Variants in KYNU observed in about 807,000 individuals in gnomAD.
KYNU encodes the protein L-kynurenine hydrolase.
Under a neutral mutation model 59.2 loss-of-function variants are expected in KYNU, and 54 were observed. The ratio of observed to expected loss-of-function variants is 0.91; its 90% CI spans 0.73 to 1.14. KYNU has a LOEUF of 1.14. Ranked by LOEUF, KYNU falls within the 50% of genes most tolerant of loss-of-function variation. KYNU has a pLI of 0.00. For synonymous variants in KYNU, 177 were observed against 192.0 expected (o/e 0.92, Z 0.65); for missense variants, 567 against 554.4 (o/e 1.02, Z -0.23).
intron 10 of KYNU, among the ~76,000 whole-genome samples, chr2:142,986,329 A>G (rs898757463): frequency 6.6e-6 from 1 of 151,954 alleles, no homozygotes; most frequent in South Asian, 2.1e-4. Context: ...CAAAAATTAG[A>G]CTTTAGAAAA....
chr2:142,902,413 T>C (rs1166523287), intron 2 of KYNU, among the ~76,000 whole-genome samples: 1 of 152,228 alleles, frequency 6.6e-6, no homozygotes, highest in Non-Finnish European at 1.5e-5. Flanking sequence ...TCCATTTTAC[T>C]AAATGGGTAT....
chr2:142,959,167 T>G (rs1419442489), intron 7 of KYNU, among the ~76,000 whole-genome samples: 4 of 151,914 alleles, frequency 2.6e-5, no homozygotes, highest in Non-Finnish European at 5.9e-5. Context: ...TGGAGCAGAG[T>G]AATTGGCAAA....
intron 4 of KYNU, among the ~76,000 whole-genome samples, chr2:142,931,828 C>G (rs1434460074): frequency 6.6e-6 from 1 of 152,040 alleles, no homozygotes; most frequent in African/African-American, 2.4e-5. Context: ...GTAGAGACAC[C>G]TTGAATAATT....
intron 4 of KYNU, among the ~76,000 whole-genome samples, chr2:142,930,279 TA>T (rs1282586496): frequency 2.0e-5 from 3 of 152,192 alleles, no homozygotes; most frequent in Non-Finnish European, 4.4e-5. Flanking sequence ...TATGAATTTT[TA>T]AAAAAGAAGA....
intron 8 of KYNU, among the ~76,000 whole-genome samples, chr2:142,965,097 C>T (rs1037127889): frequency 3.3e-5 from 5 of 152,214 alleles, no homozygotes; most frequent in Non-Finnish European, 7.3e-5. Context: ...AATTCAGCTA[C>T]CACTGTCAAG....
At chr2:142,900,788 G>A (rs1173525430) in intron 2 of KYNU, among the ~76,000 whole-genome samples, 1 of 152,160 alleles carries the variant, frequency 6.6e-6, no homozygotes, top group Non-Finnish European at 1.5e-5. Context: ...CTGTTCAGTT[G>A]AGATTTCCTC....
chr2:143,023,693 GA>G (rs1686471631), intron 10 of KYNU, among the ~76,000 whole-genome samples: 1 of 151,554 alleles, frequency 6.6e-6, no homozygotes, highest in South Asian at 2.1e-4. Flanking sequence ...GAAGGAAGAG[GA>G]AAGCTGCTAA....
chr2:142,891,041 C>T (rs1204206313), intron 2 of KYNU, among the ~76,000 whole-genome samples: 3 of 151,944 alleles, frequency 2.0e-5, no homozygotes, highest in African/African-American at 7.3e-5. Context: ...GTGAAAATGT[C>T]CAGTTAATAT....
intron 4 of KYNU, among the ~76,000 whole-genome samples, chr2:142,950,977 G>C (rs1683971337): frequency 1.3e-5 from 2 of 152,186 alleles, no homozygotes; most frequent in Admixed American, 1.3e-4. Flanking sequence ...AAGTGGGAGA[G>C]AAATGGGGGA....
intron 10 of KYNU, among the ~76,000 whole-genome samples, chr2:142,992,606 A>G (rs911465144): frequency 6.6e-6 from 1 of 151,794 alleles, no homozygotes; most frequent in African/African-American, 2.4e-5. Context: ...AGGACTTTGG[A>G]TATGTCTGTA....
At chr2:142,964,922 A>G (rs566280060) in intron 8 of KYNU, among the ~76,000 whole-genome samples, 2 of 152,294 alleles carry the variant, frequency 1.3e-5, no homozygotes, top group East Asian at 1.9e-4. Flanking sequence ...CAAGATGAAG[A>G]TGTGCCAACC....
chr2:143,004,983 TTG>T (rs1156563604), intron 10 of KYNU, among the ~76,000 whole-genome samples: 2 of 152,210 alleles, frequency 1.3e-5, no homozygotes, highest in Non-Finnish European at 2.9e-5. Context: ...CTAACATAAA[TTG>T]TGTTTTCTCT....
intron 10 of KYNU, among the ~76,000 whole-genome samples, chr2:143,027,658 T>C (rs1686616360): frequency 6.6e-6 from 1 of 152,210 alleles, no homozygotes; most frequent in African/African-American, 2.4e-5. Flanking sequence ...TTTGTCTGTC[T>C]TTTTAATACA....
rs546777828 is a variant in KYNU at position 142,917,836 on chromosome 2, G to A, written c.170-773G>A. 4.3e-4 allele frequency among the ~76,000 whole-genome samples: 66 copies of A among 152,326 alleles called. 2 individuals carry two copies. In the South Asian group the frequency reaches 0.014, roughly 32 times the overall value. ...CTTTAAAGGTTTAATTAAGTAGTCT[G>A]AAGTAAAGACCAACATAGTACTTAA... On this transcript the variant is annotated intron_variant, in intron 2 of 13. Coordinates refer to ENST00000264170, the MANE Select transcript of KYNU (RefSeq NM_003937.3).
At chr2:142,918,547 A>G in intron 2 of KYNU, 62 bp from the exon 3 acceptor site, 1 of 1,454,712 alleles carries the variant, frequency 6.9e-7, no homozygotes, top group Non-Finnish European at 9.2e-7. Flanking sequence ...TACTGGCTTA[A>G]CAATACCATA....
chr2:143,046,356 T>C lies in KYNU; in HGVS notation c.*4184T>C, dbSNP rs570641978. 6.6e-6 allele frequency: 1 copy of C among 152,298 alleles called. No individual in the cohort carries two copies. The highest frequency in any genetic ancestry group is 1.9e-4 in the East Asian group (1 of 5,190). 9.4% of individuals were successfully genotyped at this position (152,298 alleles called of 1,614,324 possible). A position where few individuals can be genotyped will look rare whatever the true frequency, so the allele number is the denominator to read the frequency against. On this transcript the variant is annotated 3_prime_UTR_variant, in exon 14 of 14. Coordinates refer to ENST00000264170, the MANE Select transcript of KYNU (RefSeq NM_003937.3). ...CCATTTGTGGCATGTAGCTTTCCAT[T>C]CATTTTCACTGCTGCTCAGTATTGT... is the stretch of plus-strand genomic sequence containing the variant.
chr2:142,883,388 C>T (rs1336822684), intron 1 of KYNU, among the ~76,000 whole-genome samples: 1 of 151,370 alleles, frequency 6.6e-6, no homozygotes, highest in Non-Finnish European at 1.5e-5. Flanking sequence ...TTAGTAGAGA[C>T]GGGGCTTCAC....
chr2:142,969,006 AT>A (rs925268526), intron 8 of KYNU, among the ~76,000 whole-genome samples: 1 of 152,070 alleles, frequency 6.6e-6, no homozygotes. Context: ...CATGCACACA[AT>A]TTTTTTTATC....
At chr2:142,947,834 TG>T (rs1311431879) in intron 4 of KYNU, 1 of 152,408 alleles carries the variant, frequency 6.6e-6, no homozygotes, top group African/African-American at 2.4e-5. Flanking sequence ...AGAAATACCA[TG>T]GGCATCATGA....
Sources: gnomAD v4.1 joint callset for allele counts (sites outside exome capture counted in the v4.1 genomes callset) on GRCh38, gnomAD v4.1.1 for gene constraint, MANE v1.5 for transcripts, NCBI Gene and HGNC (gene_info 2026-07-23, HGNC 2026-07-21) for gene names.